SLC2A9: variants seen among roughly 807,000 people sequenced by gnomAD.
SLC2A9 encodes the protein solute carrier family 2 member 9.
A neutral mutation model predicts 50.6 loss-of-function variants in SLC2A9; 39 were observed. The ratio of observed to expected loss-of-function variants is 0.77; its 90% CI spans 0.60 to 1.01. The LOEUF is 1.01. SLC2A9 is among the 50% of genes least tolerant of loss of function. The probability of loss-of-function intolerance (pLI) is 0.00; values close to 1 mark genes in which losing one functional copy is unlikely to be tolerated. For synonymous variants in SLC2A9, 324 were observed against 276.9 expected, an observed-to-expected ratio of 1.17 and a Z score of -1.69; for missense variants, 686 against 677.6, an observed-to-expected ratio of 1.01 and a Z score of -0.14.
At chr4:9,980,441 A>T in intron 5 of SLC2A9, 151 bp downstream of exon 5, 1 of 1,001,144 alleles carries the variant, frequency 1.0e-6, no homozygotes, top group Non-Finnish European at 1.5e-6. Context: ...ATAAACTCAA[A>T]GGAACTCCAC....
chr4:9,771,675 C>T (rs1030037288), intron 1 of SLC2A9, among the ~76,000 whole-genome samples: 21 of 152,208 alleles, frequency 1.4e-4, no homozygotes, highest in South Asian at 2.1e-4. Flanking sequence ...CAGCACCGAG[C>T]GAACAGATCA....
chr4:9,938,131 G>C (rs1268152625), intron 6 of SLC2A9, among the ~76,000 whole-genome samples: 1 of 152,186 alleles, frequency 6.6e-6, no homozygotes, highest in Non-Finnish European at 1.5e-5. Context: ...GTTTTAAGCA[G>C]ATACACGATT....
intron 8 of SLC2A9, among the ~76,000 whole-genome samples, chr4:9,900,688 A>ACTT (rs1488873530): frequency 2.0e-5 from 3 of 152,196 alleles, no homozygotes; most frequent in African/African-American, 7.2e-5. Flanking sequence ...CAAAGGAAAG[A>ACTT]GGTTTAATTG....
chr4:10,039,798 T>C (rs1353889296), intron 1 of SLC2A9, among the ~76,000 whole-genome samples: 1 of 152,204 alleles, frequency 6.6e-6, no homozygotes, highest in Non-Finnish European at 1.5e-5. Flanking sequence ...GGCAGTGTCA[T>C]TGCTTCTCTG....
chr4:9,936,165 AG>A (rs1242654652), intron 6 of SLC2A9, among the ~76,000 whole-genome samples: 1 of 152,220 alleles, frequency 6.6e-6, no homozygotes, highest in Non-Finnish European at 1.5e-5. Context: ...TGATGGTATC[AG>A]GAGGTGGGGC....
chr4:9,850,085 G>A (rs1469944934), intron 10 of SLC2A9, among the ~76,000 whole-genome samples: 1 of 152,050 alleles, frequency 6.6e-6, no homozygotes, highest in African/African-American at 2.4e-5. Context: ...GGATACAGAT[G>A]CTGGGCTGAA....
chr4:9,855,217 T>C (rs914285016), intron 10 of SLC2A9, among the ~76,000 whole-genome samples: 8 of 152,182 alleles, frequency 5.3e-5, no homozygotes, highest in Non-Finnish European at 1.0e-4. Flanking sequence ...AACCCCATAG[T>C]CTCTGCCAAA....
chr4:9,944,941 G>C (rs1748842267), intron 5 of SLC2A9, among the ~76,000 whole-genome samples: 1 of 152,166 alleles, frequency 6.6e-6, no homozygotes. Context: ...AAAATAGCTA[G>C]GATGACCTGC....
intron 5 of SLC2A9, among the ~76,000 whole-genome samples, chr4:9,960,303 A>T (rs575285376): frequency 6.6e-6 from 1 of 152,332 alleles, no homozygotes; most frequent in Admixed American, 6.5e-5. Context: ...CCTGGAAAAT[A>T]AGTTCCCCTT....
chr4:9,864,962 T>C (rs1208532973), intron 10 of SLC2A9, among the ~76,000 whole-genome samples: 1 of 152,258 alleles, frequency 6.6e-6, no homozygotes, highest in Non-Finnish European at 1.5e-5. Flanking sequence ...GAGTACCACC[T>C]GCTTCCACCT....
At chr4:9,867,961 T>C (rs1366251826) in intron 10 of SLC2A9, among the ~76,000 whole-genome samples, 1 of 151,682 alleles carries the variant, frequency 6.6e-6, no homozygotes, top group Non-Finnish European at 1.5e-5. Context: ...CCAGACACAC[T>C]CAATTACAGG....
intron 7 of SLC2A9, among the ~76,000 whole-genome samples, chr4:9,912,528 TG>T (rs2110021255): frequency 6.6e-6 from 1 of 152,222 alleles, no homozygotes; most frequent in South Asian, 2.1e-4. Flanking sequence ...AGAGACAAAG[TG>T]TAACATACAT....
chr4:10,029,499 T>C (rs919863200), intron 1 of SLC2A9, among the ~76,000 whole-genome samples: 1 of 152,128 alleles, frequency 6.6e-6, no homozygotes, highest in Non-Finnish European at 1.5e-5. Flanking sequence ...ATGTACAATG[T>C]ATAAAATCCC....
At chr4:9,978,037 G>A (rs1229209610) in intron 5 of SLC2A9, among the ~76,000 whole-genome samples, 2 of 152,222 alleles carry the variant, frequency 1.3e-5, no homozygotes, top group Non-Finnish European at 2.9e-5. Flanking sequence ...AGAGGCACAG[G>A]TGCACGGTGT....
rs374366085 is a variant in SLC2A9, at chr4:9,973,391, C to A, written c.681+7201G>T. Among the ~76,000 whole-genome samples, 33 of 152,250 alleles carry A rather than the reference C, an allele frequency of 2.2e-4. No individual in the cohort carries two copies. In the South Asian group the frequency reaches 6.8e-3, roughly 32 times the overall value. On this transcript the variant is annotated intron_variant, in intron 5 of 11. Transcript: ENST00000264784. ...CAAAGAAGAGCTGGTACCAATCCTGCTGAAACTATTCCAAAAAATTGAGGA... is the reference window on the plus strand; with the variant it reads ...CAAAGAAGAGCTGGTACCAATCCTGATGAAACTATTCCAAAAAATTGAGGA...
chr4:9,911,909 G>A (rs1206104527), intron 7 of SLC2A9, among the ~76,000 whole-genome samples: 2 of 152,190 alleles, frequency 1.3e-5, no homozygotes, highest in East Asian at 3.9e-4. Context: ...AACAATGATA[G>A]ACTGGATGAA....
At chr4:10,002,423 T>C (rs1484739905) in intron 2 of SLC2A9, among the ~76,000 whole-genome samples, 1 of 152,230 alleles carries the variant, frequency 6.6e-6, no homozygotes, top group African/African-American at 2.4e-5. Context: ...ACGGCTTATA[T>C]GCACTGGGAG....
chr4:10,008,723 G>C (rs1280581498), intron 2 of SLC2A9, among the ~76,000 whole-genome samples: 3 of 152,142 alleles, frequency 2.0e-5, no homozygotes, highest in Admixed American at 2.0e-4. Flanking sequence ...AGGCCCAAGT[G>C]TACCATCTAT....
chr4:9,908,234 C>G lies in SLC2A9; in HGVS notation c.1113+1G>C. On this transcript the variant is annotated splice_donor_variant, in intron 8 of 11. Coordinates refer to ENST00000264784, the MANE Select transcript of SLC2A9 (RefSeq NM_020041.3). LOFTEE classifies it high-confidence loss of function. ...TCAGGAGTAACCCTCAGTTGACTTA[C>G]AGAGAAGACGGCAGCCAAAGTCTCG... 1 of 1,609,304 alleles carries G rather than the reference C, an allele frequency of 6.2e-7. No homozygotes were observed.
Sources: gnomAD v4.1 joint callset for allele counts (sites outside exome capture counted in the v4.1 genomes callset) on GRCh38, gnomAD v4.1.1 for gene constraint, MANE v1.5 for transcripts, NCBI Gene and HGNC (gene_info 2026-07-23, HGNC 2026-07-21) for gene names.